Variants in MROH2A observed in about 807,000 individuals in gnomAD.
MROH2A encodes maestro heat-like repeat-containing protein family member 2A.
In MROH2A, 174 loss-of-function variants were observed where a neutral mutation model predicts 200.4. That is an observed-to-expected ratio of 0.87 (90% CI 0.77 to 0.98). MROH2A has a LOEUF of 0.98. MROH2A is among the 50% of genes least tolerant of loss of function. MROH2A has a pLI of 0.00. For missense variants in MROH2A, 2,045 were observed against 2,139.6 expected (o/e 0.96, Z 0.87); for synonymous variants, 829 against 840.4 (o/e 0.99, Z 0.23).
At chr2:233,814,519 G>GCAGGGAGTTCATGC in intron 25 of MROH2A, 63 bp from the exon 26 acceptor site, 4 of 1,227,006 alleles carry the variant, frequency 3.3e-6, no homozygotes, top group Non-Finnish European at 4.7e-6. Flanking sequence ...TGAACTCCCT[G>GCAGGGAGTTCATGC]CAGGGAGGGG....
At chr2:233,823,760 C>A in intron 35 of MROH2A, 96 bp downstream of exon 35, 2 of 1,467,798 alleles carry the variant, frequency 1.4e-6, no homozygotes, top group South Asian at 1.3e-5. Flanking sequence ...GCATGGGAGT[C>A]GGGGGGACAG....
At chr2:233,777,132 G>T (rs186951891), upstream of MROH2A, among the ~76,000 whole-genome samples, 3 of 152,198 alleles carry the variant, frequency 2.0e-5, no homozygotes, top group Non-Finnish European at 4.4e-5. Context: ...ATAATAATCG[G>T]TTGTTTTCAG....
In MROH2A at chr2:233,810,931, G is replaced by T. The variant is rs914328976; in HGVS notation, c.2571+15G>T. 3.2e-5 allele frequency: 49 copies of T among 1,548,770 alleles called. No individual in the cohort carries two copies. Among genetic ancestry groups the T allele is most frequent in the Non-Finnish European group, 3.8e-5 (43 of 1,145,930 alleles). On this transcript the variant is annotated intron_variant, in intron 23 of 41. Transcript: ENST00000389758. Reference sequence around the variant, plus strand: ...GCATTATAGTGGTAAGCTGGGTGGGGCACCTCCTTGGTCCTGTTCCTGGTT... The same window carrying T: ...GCATTATAGTGGTAAGCTGGGTGGGTCACCTCCTTGGTCCTGTTCCTGGTT...
At position 233,807,364 on chromosome 2, in the gene MROH2A, AC is replaced by A. The variant is rs1182411711; in HGVS notation, c.2053-54del. On this transcript the variant is annotated intron_variant, in intron 19 of 41. Coordinates refer to ENST00000389758, the MANE Select transcript of MROH2A (RefSeq NM_001394639.1). The surrounding 1 kb of genome is among the most constrained non-coding windows in gnomAD (Gnocchi z 4.3). ...TACGTAGAAAACTCTCTACAACAGCACCCCCTGAAGGCTGGCTGTAGGGAGG... is the reference window on the plus strand; with the variant it reads ...TACGTAGAAAACTCTCTACAACAGCACCCCTGAAGGCTGGCTGTAGGGAGG... 1.3e-6 allele frequency: 2 copies of A among 1,487,808 alleles called. No homozygotes were observed. The highest frequency in any genetic ancestry group is 1.3e-5 in the South Asian group (1 of 77,078). The allele number at this position is 1,487,808 out of a possible 1,614,324, so 92.2% of individuals were successfully genotyped here. A position where few individuals can be genotyped will look rare whatever the true frequency, so the allele number is the denominator to read the frequency against.
intron 38 of MROH2A, among the ~76,000 whole-genome samples, chr2:233,830,030 G>A (rs1172091096): frequency 6.6e-6 from 1 of 152,070 alleles, no homozygotes. Context: ...GACATGGTGT[G>A]GTGGCTGCCT....
intron 8 of MROH2A, among the ~76,000 whole-genome samples, chr2:233,794,822 A>C (rs1575931896): frequency 6.6e-6 from 1 of 152,084 alleles, no homozygotes; most frequent in East Asian, 1.9e-4. Context: ...GAAGCAACAG[A>C]GATGTATTCT....
At chr2:233,791,796 C>A (rs779083089) in intron 5 of MROH2A, among the ~76,000 whole-genome samples, 1 of 151,660 alleles carries the variant, frequency 6.6e-6, no homozygotes, top group African/African-American at 2.4e-5. Flanking sequence ...CTGGAGAAGG[C>A]GGGAGGTGGA....
Position 233,807,283 on chromosome 2 carries a change from G to A in MROH2A, c.2053-140G>A. On this transcript the variant is annotated intron_variant, in intron 19 of 41. Transcript: ENST00000389758. The surrounding 1 kb of genome is among the most constrained non-coding windows in gnomAD (Gnocchi z 4.3). ...TTCCACATTTTTGCACTTGTGAATT[G>A]TGCTGCTGTAAACGTGTGTGCAAGT... 1.1e-6 allele frequency: 1 copy of A among 938,700 alleles called. No individual in the cohort carries two copies. Among genetic ancestry groups the A allele is most frequent in the South Asian group, 1.9e-5 (1 of 52,720 alleles). 58.1% of individuals were successfully genotyped at this position (938,700 alleles called of 1,614,324 possible). A position where few individuals can be genotyped will look rare whatever the true frequency, so the allele number is the denominator to read the frequency against.
chr2:233,823,011 C>T lies in MROH2A; in HGVS notation c.3997C>T (p.Leu1333=). ...GGTFLEGVSL[L]ARLCMQHVEG... is the part of the protein sequence containing the mutation. ...GACATTCCTGGAGGGTGTGAGCCTG[C>T]TGGCCAGGTGGGCCCTGGCTCCCAC... The change falls in exon 34 of 42, where the codon CTG becomes TTG. Residue 1333 remains leucine (L), a synonymous_variant. Transcript: ENST00000389758. 1 of 1,550,232 alleles carries T rather than the reference C, an allele frequency of 6.5e-7. No homozygotes were observed. Among genetic ancestry groups the T allele is most frequent in the Non-Finnish European group, 8.7e-7 (1 of 1,146,914 alleles).
rs1413985452 is a variant in MROH2A, at chr2:233,789,556, G to A, written c.336G>A (p.Glu112=). 2 of 1,491,866 alleles carry A rather than the reference G, an allele frequency of 1.3e-6. No individual in the cohort carries two copies. The highest frequency in any genetic ancestry group is 2.5e-5 in the East Asian group (1 of 39,966). The allele number at this position is 1,491,866 out of a possible 1,614,324, so 92.4% of individuals were successfully genotyped here. ...TCCTCCAGGACATCATCCAGCAGGA[G>A]GGGGAGCTGGAGGAGCAGTGCGTGC... ...YNILQDIIQQ[E]GELEEQCVQR... is the part of the protein sequence containing the mutation. Residue 112 remains glutamate, a synonymous_variant, in exon 4 of 42, where the codon GAG becomes GAA. Coordinates refer to ENST00000389758, the MANE Select transcript of MROH2A (RefSeq NM_001394639.1).
chr2:233,777,062 C>G (rs1242873263), upstream of MROH2A, among the ~76,000 whole-genome samples: 2 of 152,216 alleles, frequency 1.3e-5, no homozygotes, highest in Non-Finnish European at 2.9e-5. Context: ...TCTAGTTGTG[C>G]TTGGCTGGAC....
Position 233,826,072 on chromosome 2 carries a change from G to A in MROH2A, c.4113+2408G>A, listed in dbSNP as rs575388441. On this transcript the variant is annotated intron_variant, in intron 35 of 41. Transcript: ENST00000389758. ...TTCGAGTAGCTGGGACTGTAGGCAT[G>A]TGCCACCACACCCAGCTAATTTTTG... Among the ~76,000 whole-genome samples the A allele has an allele frequency of 5.1e-4, 77 of 152,044 alleles. 3 individuals are homozygous for A. In the South Asian group the frequency reaches 0.015, roughly 30 times the overall value.
chr2:233,798,897 C>T, intron 12 of MROH2A, 47 bp downstream of exon 12: 2 of 1,465,502 alleles, frequency 1.4e-6, no homozygotes, highest in Non-Finnish European at 1.9e-6. Context: ...GGGGACCCTG[C>T]CAGGGAGGCA....
rs1360000206 is a variant in MROH2A at position 233,805,087 on chromosome 2, C to A, written c.2028C>A (p.Ser676Arg). 1 of 1,549,744 alleles carries A rather than the reference C, an allele frequency of 6.5e-7. No individual in the cohort carries two copies. ...LSKELNNQIA[S>R]FDSPSLEKGF... is the part of the protein sequence containing the mutation. ...AAGAGCTGAACAACCAGATTGCGAGCTTTGACAGCCCCTCTCTGGAGAAGG... is the reference window on the plus strand; with the variant it reads ...AAGAGCTGAACAACCAGATTGCGAGATTTGACAGCCCCTCTCTGGAGAAGG... The change falls in exon 19 of 42, where the codon AGC (serine) becomes AGA (arginine). Residue 676 changes from serine to arginine, a missense_variant. By Grantham distance (110) the Ser-to-Arg change is moderately radical. Transcript: ENST00000389758.
In MROH2A at chr2:233,822,164, C is replaced by T; in HGVS notation, c.3553C>T (p.Pro1185Ser). Residue 1185 changes from proline (P) to serine (S), a missense_variant, in exon 32 of 42, where the codon CCC becomes TCC. This residue lies in a region of MROH2A where 1,201 missense variants were observed against 1,311.3 expected (regional missense o/e 0.92). Coordinates refer to ENST00000389758, the MANE Select transcript of MROH2A (RefSeq NM_001394639.1). ...EVWLAVSENV[P>S]FARTMLHSLM... Reference sequence around the variant, plus strand: ...GTGGCTGGCAGTGTCGGAGAACGTGCCCTTCGCCCGGACCATGCTCCACAG... The same window carrying T: ...GTGGCTGGCAGTGTCGGAGAACGTGTCCTTCGCCCGGACCATGCTCCACAG... 1 of 1,549,944 alleles carries T rather than the reference C, an allele frequency of 6.5e-7. No individual in the cohort carries two copies.
Position 233,794,407 on chromosome 2 carries a change from C to T in MROH2A, c.867C>T (p.Leu289=), listed in dbSNP as rs1461368016. 13 of 1,550,574 alleles carry T rather than the reference C, an allele frequency of 8.4e-6. No individual in the cohort carries two copies. The highest frequency in any genetic ancestry group is 3.9e-5 in the Admixed American group (2 of 51,006). ...AGTCCCTGAAGCCCATGCTCGGCCT[C>T]CTTCTGCCCAACGATGACCTGCGGG... ...VIKSLKPMLG[L]LLPNDDLREQ... is the part of the protein sequence containing the mutation. Residue 289 remains leucine, a synonymous_variant, in exon 8 of 42, where the codon CTC becomes CTT. Transcript: ENST00000389758.
At chr2:233,832,376 T>C (rs122856) in intron 40 of MROH2A, 97 bp downstream of exon 40, 591,681 of 1,124,048 alleles carry the variant, frequency 0.53, 160,295 homozygotes, top group African/African-American at 0.8. Flanking sequence ...GTGGGAGGCA[T>C]GTGGCAAGCT....
intron 35 of MROH2A, among the ~76,000 whole-genome samples, chr2:233,825,962 G>A (rs1704278670): frequency 8.7e-6 from 1 of 114,700 alleles, no homozygotes; most frequent in African/African-American, 3.5e-5. Context: ...GTCTTGCTCT[G>A]TCGCCAGGCT....
rs972684177 is a variant in MROH2A at position 233,807,864 on chromosome 2, C to G, written c.2295+9C>G. ...AGATCAGTGCTTGGCGGGTAAGCCA[C>G]CTTCCCTCCACAACTGGGTCTTGGG... On this transcript the variant is annotated intron_variant, in intron 21 of 41. Coordinates refer to ENST00000389758, the MANE Select transcript of MROH2A (RefSeq NM_001394639.1). The surrounding 1 kb of genome is among the most constrained non-coding windows in gnomAD (Gnocchi z 4.3). 13 of 1,550,870 alleles carry G rather than the reference C, an allele frequency of 8.4e-6. 1 individual carries two copies. The highest frequency in any genetic ancestry group is 3.3e-4 in the Middle Eastern group (2 of 6,018).
Sources: gnomAD v4.1 joint callset for allele counts (sites outside exome capture counted in the v4.1 genomes callset) on GRCh38, gnomAD v4.1.1 for gene constraint, gnomAD v4.1.1 regional missense constraint, Gnocchi (gnomAD v3.1) non-coding constraint, MANE v1.5 for transcripts, NCBI Gene and HGNC (gene_info 2026-07-23, HGNC 2026-07-21) for gene names.